C6orf62: variants seen among roughly 807,000 people sequenced by gnomAD.
C6orf62 encodes uncharacterized protein C6orf62.
Under a neutral mutation model 26.8 loss-of-function variants are expected in C6orf62, and 16 were observed. That is an observed-to-expected ratio of 0.60 (90% confidence interval 0.40 to 0.91). C6orf62 has a LOEUF of 0.91. Ranked by LOEUF, C6orf62 falls within the 40% of genes least tolerant of loss-of-function variation. The pLI, the probability that C6orf62 is intolerant of heterozygous loss-of-function variation, is 0.00. For missense variants in C6orf62, 192 were observed against 271.4 expected (o/e 0.71, Z 2.06); for synonymous variants, 112 against 91.5 (o/e 1.22, Z -1.28).
upstream of C6orf62, chr6:24,720,206 G>A: frequency 7.4e-7 from 1 of 1,353,010 alleles, no homozygotes; most frequent in Non-Finnish European, 9.4e-7. Context: ...GCGGAGCCCG[G>A]GACTCACGGA....
At position 24,705,143 on chromosome 6, in the gene C6orf62, C is replaced by CT. The variant is rs1778982226; in HGVS notation, c.*993dup. ...CACAAAATGAGTTCTGCTTTTAGAA[C>CT]TTTGACACTCAATGGTTAATTTTAC... On this transcript the variant is annotated 3_prime_UTR_variant, in exon 5 of 5. Transcript: ENST00000378119. 2.0e-5 allele frequency: 3 copies of CT among 151,606 alleles called. No homozygotes were observed. The highest frequency in any genetic ancestry group is 6.9e-3 in the Middle Eastern group (2 of 288). 9.4% of individuals were successfully genotyped at this position (151,606 alleles called of 1,614,324 possible).
upstream of C6orf62, chr6:24,719,833 C>G (rs899331496): frequency 5.2e-6 from 8 of 1,549,606 alleles, 1 homozygote; most frequent in African/African-American, 1.1e-4. Context: ...CCACCCCCAC[C>G]CCTTGCCTTC....
chr6:24,707,734 T>A (rs1034714823), intron 4 of C6orf62, among the ~76,000 whole-genome samples: 1 of 151,988 alleles, frequency 6.6e-6, no homozygotes, highest in African/African-American at 2.4e-5. Flanking sequence ...CCGGTTGCGG[T>A]GGCTCACGCC....
At chr6:24,720,429 C>A (rs1779333310), upstream of C6orf62, 6 of 1,121,536 alleles carry the variant, frequency 5.3e-6, no homozygotes, top group Non-Finnish European at 6.5e-6. Context: ...CAGCCCCCAC[C>A]TGGGACCCAT....
intron 3 of C6orf62, chr6:24,710,133 A>G: frequency 1.0e-6 from 1 of 985,222 alleles, no homozygotes; most frequent in Non-Finnish European, 1.2e-6. Context: ...TAGCTACTAA[A>G]CAATAGGAAT....
In C6orf62 at chr6:24,710,546, G is replaced by A. The variant is rs776623207; in HGVS notation, c.430-1635C>T. The A allele has an allele frequency of 1.6e-4, 157 of 979,034 alleles. 2 individuals are homozygous for A. The highest frequency in any genetic ancestry group is 4.3e-4 in the Admixed American group (7 of 16,216). The allele number at this position is 979,034 out of a possible 1,614,324, so 60.6% of individuals were successfully genotyped here. ...CCCAAAGTGTTGGGATTACAGGCGT[G>A]AGCAACCGCGCCCGGCCCAAATTGG... On this transcript the variant is annotated intron_variant, in intron 3 of 4. Coordinates refer to ENST00000378119, the MANE Select transcript of C6orf62 (RefSeq NM_030939.5).
At chr6:24,711,090 G>A (rs571093998) in intron 3 of C6orf62, among the ~76,000 whole-genome samples, 2 of 152,214 alleles carry the variant, frequency 1.3e-5, no homozygotes, top group South Asian at 2.1e-4. Context: ...AAGTAACAAA[G>A]CTGCAATATG....
At chr6:24,714,504 CA>C in intron 2 of C6orf62, 64 bp from the exon 3 acceptor site, 1 of 1,255,574 alleles carries the variant, frequency 8.0e-7, no homozygotes, top group South Asian at 1.5e-5. Flanking sequence ...AGCCATGTCA[CA>C]AATTATAGGG....
chr6:24,714,317 C>A lies in C6orf62; in HGVS notation c.429+1G>T. 1 of 1,600,456 alleles carries A rather than the reference C, an allele frequency of 6.2e-7. No individual in the cohort carries two copies. Among genetic ancestry groups the A allele is most frequent in the Non-Finnish European group, 8.5e-7 (1 of 1,175,690 alleles). On this transcript the variant is annotated splice_donor_variant, in intron 3 of 4. Coordinates refer to ENST00000378119, the MANE Select transcript of C6orf62 (RefSeq NM_030939.5). LOFTEE classifies it high-confidence loss of function. ...ACTCATCACACTTTAGACCAAAATACCTGAACAGGCCTAAAAGGCTCATCA... is the reference window on the plus strand; with the variant it reads ...ACTCATCACACTTTAGACCAAAATAACTGAACAGGCCTAAAAGGCTCATCA...
chr6:24,716,022 G>A, intron 2 of C6orf62, 126 bp downstream of exon 2: 2 of 707,926 alleles, frequency 2.8e-6, no homozygotes, highest in African/African-American at 1.9e-5. Flanking sequence ...ATGGCACAAA[G>A]ACAAATTTAC....
intron 3 of C6orf62, among the ~76,000 whole-genome samples, chr6:24,710,769 C>T (rs1020165949): frequency 5.3e-5 from 8 of 151,924 alleles, no homozygotes; most frequent in Non-Finnish European, 7.4e-5. Context: ...GAGTCCAAAG[C>T]GGGAGGATCA....
At chr6:24,716,912 C>A (rs1244878464) in intron 1 of C6orf62, among the ~76,000 whole-genome samples, 3 of 151,990 alleles carry the variant, frequency 2.0e-5, no homozygotes, top group Non-Finnish European at 4.4e-5. Context: ...TCAGTAGAGA[C>A]AGGGTTTCAC....
intron 3 of C6orf62, 189 bp from the exon 4 acceptor site, chr6:24,709,100 C>G: frequency 1.0e-6 from 1 of 983,792 alleles, no homozygotes; most frequent in Non-Finnish European, 1.2e-6. Flanking sequence ...AAGCAATTTA[C>G]AATTCCATTC....
At chr6:24,715,684 TAAA>T (rs1779210846) in intron 2 of C6orf62, among the ~76,000 whole-genome samples, 1 of 151,604 alleles carries the variant, frequency 6.6e-6, no homozygotes, top group Non-Finnish European at 1.5e-5. Flanking sequence ...CCATCTCTAC[TAAA>T]AACACAAAAA....
intron 3 of C6orf62, chr6:24,710,502 G>T: frequency 2.8e-6 from 2 of 726,238 alleles, no homozygotes; most frequent in East Asian, 1.3e-4. Flanking sequence ...GACCTCAGGT[G>T]ATCCATCTGG....
intron 3 of C6orf62, 115 bp downstream of exon 3, chr6:24,714,203 T>G (rs1779178814): frequency 2.6e-6 from 2 of 762,804 alleles, no homozygotes; most frequent in Non-Finnish European, 4.1e-6. Context: ...TAGGGGAGAC[T>G]CGTGAAATAA....
At chr6:24,720,129 G>C (rs1408237532), upstream of C6orf62, 90 of 1,391,818 alleles carry the variant, frequency 6.5e-5, no homozygotes, top group Non-Finnish European at 8.2e-5. Context: ...TGTTTCCCGA[G>C]GGGCAGGGGG....
chr6:24,719,596 T>C (rs963529836), upstream of C6orf62: 13 of 1,399,000 alleles, frequency 9.3e-6, no homozygotes, highest in Non-Finnish European at 1.2e-5. Flanking sequence ...GTATTAATTA[T>C]TCCGGCTCTG....
upstream of C6orf62, chr6:24,719,269 C>T: frequency 3.0e-6 from 3 of 988,746 alleles, no homozygotes; most frequent in Non-Finnish European, 3.6e-6. Flanking sequence ...AGCTCCATGG[C>T]TGTAGTACCT....
Sources: allele counts gnomAD v4.1 joint callset (sites outside exome capture counted in the v4.1 genomes callset), GRCh38; gene constraint gnomAD v4.1.1; transcripts MANE v1.5; gene names NCBI Gene and HGNC (gene_info 2026-07-23, HGNC 2026-07-21).